The following CNTNAP2 variants were observed in gnomAD, a reference collection of about 807,000 sequenced individuals.
CNTNAP2 encodes the protein contactin associated protein 2.
CNTNAP2 carries 98 observed loss-of-function variants against 155.2 expected under a neutral mutation model. The ratio of observed to expected loss-of-function variants is 0.63; its 90% CI spans 0.54 to 0.75. The LOEUF is 0.75. Ranked by LOEUF, CNTNAP2 falls within the 30% of genes least tolerant of loss-of-function variation. The pLI is 0.00. For synonymous variants in CNTNAP2, 651 were observed against 631.2 expected (o/e 1.03, Z -0.47); for missense variants, 1,727 against 1,688.1 (o/e 1.02, Z -0.40).
At chr7:147,439,972 T>C (rs922163391) in intron 10 of CNTNAP2, among the ~76,000 whole-genome samples, 14 of 152,046 alleles carry the variant, frequency 9.2e-5, no homozygotes, top group Admixed American at 3.3e-4. Flanking sequence ...TGTGTCTTTA[T>C]AGGTGAAATG....
chr7:148,316,306 T>C (rs1797688089), intron 21 of CNTNAP2, among the ~76,000 whole-genome samples: 1 of 151,846 alleles, frequency 6.6e-6, no homozygotes, highest in Non-Finnish European at 1.5e-5. Flanking sequence ...ACCTGCACGT[T>C]GTGCACATGT....
chr7:147,475,413 T>C (rs1368202849), intron 10 of CNTNAP2, among the ~76,000 whole-genome samples: 1 of 152,162 alleles, frequency 6.6e-6, no homozygotes, highest in Non-Finnish European at 1.5e-5. Flanking sequence ...TTGGGCTGCT[T>C]TGATTATGAA....
At chr7:147,378,256 G>T in intron 9 of CNTNAP2, 1 of 238,748 alleles carries the variant, frequency 4.2e-6, no homozygotes, top group Non-Finnish European at 8.4e-6. Context: ...TCTGCTTAAT[G>T]CAACTAATGA....
At chr7:147,261,676 T>TG (rs764632555) in intron 8 of CNTNAP2, among the ~76,000 whole-genome samples, 2 of 152,068 alleles carry the variant, frequency 1.3e-5, no homozygotes, top group Non-Finnish European at 2.9e-5. Flanking sequence ...TTACTTTCAC[T>TG]GGGGAAAAAA....
At chr7:146,817,470 CAAA>C (rs35732528) in intron 2 of CNTNAP2, among the ~76,000 whole-genome samples, 1 of 135,788 alleles carries the variant, frequency 7.4e-6, no homozygotes, top group Admixed American at 7.5e-5. Context: ...GAAACTCCAT[CAAA>C]AAAAAAAAAA....
intron 13 of CNTNAP2, among the ~76,000 whole-genome samples, chr7:147,893,630 T>C (rs1006201269): frequency 6.6e-6 from 1 of 152,168 alleles, no homozygotes; most frequent in Non-Finnish European, 1.5e-5. Flanking sequence ...TCTATATTGT[T>C]TACAAGATCT....
At chr7:146,615,577 C>T (rs1037753529) in intron 1 of CNTNAP2, among the ~76,000 whole-genome samples, 1 of 152,204 alleles carries the variant, frequency 6.6e-6, no homozygotes, top group Non-Finnish European at 1.5e-5. Flanking sequence ...CTCATCAACA[C>T]ACATCACTCT....
chr7:148,362,005 C>T (rs929719092), intron 21 of CNTNAP2, among the ~76,000 whole-genome samples: 14 of 152,138 alleles, frequency 9.2e-5, no homozygotes, highest in Middle Eastern at 3.4e-3. Context: ...GTTAGGGGTT[C>T]GAGACCAGCC....
At chr7:148,358,881 AC>A (rs1798568469) in intron 21 of CNTNAP2, among the ~76,000 whole-genome samples, 1 of 152,218 alleles carries the variant, frequency 6.6e-6, no homozygotes. Flanking sequence ...TAAAATGTGC[AC>A]TTAAGACATC....
intron 13 of CNTNAP2, among the ~76,000 whole-genome samples, chr7:147,785,015 G>T (rs1003264137): frequency 6.6e-6 from 1 of 152,102 alleles, no homozygotes; most frequent in African/African-American, 2.4e-5. Context: ...AGAAAACCAT[G>T]ATTTTATATT....
intron 8 of CNTNAP2, among the ~76,000 whole-genome samples, chr7:147,165,853 A>G (rs1199809445): frequency 3.3e-5 from 5 of 152,090 alleles, no homozygotes; most frequent in Non-Finnish European, 1.5e-5. Flanking sequence ...TACCAGTACC[A>G]TGCTGTTTAA....
At chr7:148,083,001 T>C (rs1803645869) in intron 15 of CNTNAP2, among the ~76,000 whole-genome samples, 1 of 151,994 alleles carries the variant, frequency 6.6e-6, no homozygotes, top group Admixed American at 6.5e-5. Context: ...CTCTTGGTGG[T>C]TGTAGAGAAT....
At chr7:146,842,202 T>C (rs1803741414) in intron 3 of CNTNAP2, among the ~76,000 whole-genome samples, 1 of 152,018 alleles carries the variant, frequency 6.6e-6, no homozygotes, top group South Asian at 2.1e-4. Context: ...CTCTTGATAT[T>C]ACATAGAATA....
chr7:147,107,604 G>A (rs76762729), intron 4 of CNTNAP2, among the ~76,000 whole-genome samples: 1,622 of 152,042 alleles, frequency 0.011, 17 homozygotes, highest in Non-Finnish European at 0.017. Context: ...AATTCGATTG[G>A]TTGTAAACTC....
intron 13 of CNTNAP2, among the ~76,000 whole-genome samples, chr7:147,670,837 G>C (rs920949717): frequency 2.0e-5 from 3 of 152,206 alleles, no homozygotes; most frequent in Non-Finnish European, 4.4e-5. Flanking sequence ...TGTCACACTT[G>C]CCCTGTGCCC....
At chr7:146,467,978 TA>T (rs2129126003) in intron 1 of CNTNAP2, among the ~76,000 whole-genome samples, 1 of 152,282 alleles carries the variant, frequency 6.6e-6, no homozygotes, top group Non-Finnish European at 1.5e-5. Context: ...GTTCAAGAGT[TA>T]AACAGTTTCA....
chr7:146,477,479 G>C (rs1432612491), intron 1 of CNTNAP2, among the ~76,000 whole-genome samples: 1 of 152,036 alleles, frequency 6.6e-6, no homozygotes, highest in African/African-American at 2.4e-5. Context: ...TACAAAAAGG[G>C]ATGCCATATT....
intron 1 of CNTNAP2, among the ~76,000 whole-genome samples, chr7:146,540,740 G>A (rs1797939891): frequency 6.6e-6 from 1 of 152,010 alleles, no homozygotes; most frequent in African/African-American, 2.4e-5. Flanking sequence ...ACTGCTCTTT[G>A]AGGGCTAGTG....
chr7:147,552,524 A>G (rs1444619083), intron 11 of CNTNAP2, among the ~76,000 whole-genome samples: 1 of 151,876 alleles, frequency 6.6e-6, no homozygotes, highest in East Asian at 1.9e-4. Context: ...TGTTTAGCTA[A>G]AAACAAATGG....
Sources: gnomAD v4.1 joint callset for allele counts (sites outside exome capture counted in the v4.1 genomes callset) on GRCh38, gnomAD v4.1.1 for gene constraint, MANE v1.5 for transcripts, NCBI Gene and HGNC (gene_info 2026-07-23, HGNC 2026-07-21) for gene names.